ZNF564: variants seen among roughly 807,000 people sequenced by gnomAD.
ZNF564 encodes the protein zinc finger protein 564.
A neutral mutation model predicts 10.5 loss-of-function variants in ZNF564; 5 were observed. That is an observed-to-expected ratio of 0.48 (90% CI 0.25 to 1.00). The LOEUF (loss-of-function observed/expected upper bound fraction) is 1.00, where lower values mean the gene tolerates loss of function less well. Ranked by LOEUF, ZNF564 falls within the 50% of genes least tolerant of loss-of-function variation. The pLI is 0.16. For synonymous variants in ZNF564, 242 were observed against 218.1 expected (o/e 1.11, Z -0.97); for missense variants, 603 against 669.7 (o/e 0.90, Z 1.10).
At position 12,531,711 on chromosome 19, in the gene ZNF564, C is replaced by G. The variant is rs540300233; in HGVS notation, c.4-3015G>C. Among the ~76,000 whole-genome samples the G allele has an allele frequency of 2.6e-5, 4 of 152,048 alleles. No homozygotes were observed. The South Asian group carries it at 8.3e-4, about 32-fold the overall frequency. On this transcript the variant is annotated intron_variant, in intron 1 of 3. Transcript: ENST00000339282. ...CATATGATTACAAAATATGTCACAC[C>G]TCAGGTAAAATGCTCAATTAAAGCC...
At chr19:12,532,534 CAAAAAAAAAAAAAAAAAA>C (rs35579003) in intron 1 of ZNF564, among the ~76,000 whole-genome samples, 1 of 39,238 alleles carries the variant, frequency 2.5e-5, no homozygotes, top group Non-Finnish European at 4.4e-5. Flanking sequence ...GACTCCGTCT[CAAAAAAAAAAAAAAAAAA>C]AAAAAAAAAA....
intron 1 of ZNF564, among the ~76,000 whole-genome samples, chr19:12,551,094 G>A (rs1280850452): frequency 2.0e-5 from 3 of 152,242 alleles, no homozygotes; most frequent in Admixed American, 6.5e-5. Context: ...TGCCCAGACA[G>A]GGCTCCGAGG....
intron 1 of ZNF564, 77 bp downstream of exon 1, chr19:12,551,253 G>T: frequency 4.6e-6 from 7 of 1,511,818 alleles, no homozygotes; most frequent in Non-Finnish European, 6.3e-6. Flanking sequence ...GGAGGCCAGG[G>T]TGCTTCCACA....
chr19:12,551,090 G>C (rs1439553198), intron 1 of ZNF564, among the ~76,000 whole-genome samples: 2 of 152,372 alleles, frequency 1.3e-5, no homozygotes, highest in African/African-American at 4.8e-5. Flanking sequence ...GAGCTGCCCA[G>C]ACAGGGCTCC....
At chr19:12,542,648 G>GAA (rs2022078969) in intron 1 of ZNF564, among the ~76,000 whole-genome samples, 2 of 95,520 alleles carry the variant, frequency 2.1e-5, no homozygotes, top group African/African-American at 4.7e-5. Context: ...GAAAGGGAAA[G>GAA]GAAGAAAGAA....
rs767918558 is a variant in ZNF564 at position 12,527,595 on chromosome 19, A to AC, written c.512dup (p.Cys171TrpfsTer20). ...AAATGAAGGCTTTCCCACATTCCGGACATGCATAGGGTTTCTCACCAGTGT... is the reference window on the plus strand; with the variant it reads ...AAATGAAGGCTTTCCCACATTCCGGACCATGCATAGGGTTTCTCACCAGTGT... On this transcript the variant is annotated frameshift_variant, in exon 4 of 4. Transcript: ENST00000339282. LOFTEE classifies it low-confidence loss of function (END_TRUNC). 1.2e-6 allele frequency: 2 copies of AC among 1,614,200 alleles called. No homozygotes were observed. Among genetic ancestry groups the AC allele is most frequent in the African/African-American group, 2.7e-5 (2 of 75,046 alleles).
At chr19:12,530,137 G>A (rs1422329885) in intron 1 of ZNF564, 1 of 152,332 alleles carries the variant, frequency 6.6e-6, no homozygotes, top group African/African-American at 2.4e-5. Flanking sequence ...AAGGCCCGTA[G>A]AAATCCACGT....
intron 3 of ZNF564, 151 bp downstream of exon 3, chr19:12,528,153 C>G: frequency 1.2e-6 from 1 of 864,704 alleles, no homozygotes; most frequent in Non-Finnish European, 1.8e-6. Flanking sequence ...TTTTGCAACA[C>G]TGAACATCTA....
chr19:12,528,202 T>G, intron 3 of ZNF564, 102 bp downstream of exon 3: 1 of 1,186,456 alleles, frequency 8.4e-7, no homozygotes, highest in Non-Finnish European at 1.2e-6. Context: ...GTTGTAGGAA[T>G]AAATAAATCT....
chr19:12,531,467 C>T (rs1461340232), intron 1 of ZNF564, among the ~76,000 whole-genome samples: 3 of 151,618 alleles, frequency 2.0e-5, no homozygotes, highest in Admixed American at 6.6e-5. Flanking sequence ...CCTGGGAGGC[C>T]GAGGCAGGAG....
rs141168204 is a variant in ZNF564, at chr19:12,528,360, T to C, written c.135A>G (p.Lys45=). The change falls in exon 3 of 4, where the codon AAA becomes AAG. Residue 45 remains lysine (K), a synonymous_variant. Transcript: ENST00000339282. ...CTTCAATGCTCTGGTCTTCCCATTT[T>C]TTTCCTAAAATATAGTCAGAAAAAA... ...ETFRNLACVG[K]KWEDQSIEDW... 9.4e-5 allele frequency: 151 copies of C among 1,605,178 alleles called. No homozygotes were observed. The East Asian group carries it at 2.9e-3, about 30-fold the overall frequency.
intron 1 of ZNF564, among the ~76,000 whole-genome samples, chr19:12,540,076 T>C (rs1276953598): frequency 6.6e-6 from 1 of 152,116 alleles, no homozygotes; most frequent in African/African-American, 2.4e-5. Context: ...AATATGTAAC[T>C]GACTGGCTTA....
chr19:12,548,111 C>T, intron 1 of ZNF564: 2 of 970,006 alleles, frequency 2.1e-6, no homozygotes, highest in Non-Finnish European at 2.5e-6. Context: ...CCCAGTTTCA[C>T]TTATTTTTAA....
intron 1 of ZNF564, among the ~76,000 whole-genome samples, chr19:12,529,498 C>CG (rs933824053): frequency 1.3e-5 from 2 of 151,586 alleles, no homozygotes; most frequent in Non-Finnish European, 2.9e-5. Context: ...CCCAGCTACT[C>CG]GGGGGGCTGA....
chr19:12,528,278 T>C (rs759487606), intron 3 of ZNF564, 26 bp downstream of exon 3: 1 of 1,592,838 alleles, frequency 6.3e-7, no homozygotes, highest in Admixed American at 1.8e-5. Context: ...AAGGAGACAT[T>C]GCTTTATCTT....
At chr19:12,532,453 T>A (rs1327251025) in intron 1 of ZNF564, among the ~76,000 whole-genome samples, 1 of 132,916 alleles carries the variant, frequency 7.5e-6, no homozygotes, top group Admixed American at 9.3e-5. Flanking sequence ...GAGAATGGCG[T>A]GAACCCGGAA....
At position 12,540,011 on chromosome 19, in the gene ZNF564, C is replaced by T. The variant is rs1035812448; in HGVS notation, c.4-11315G>A. On this transcript the variant is annotated intron_variant, in intron 1 of 3. Transcript: ENST00000339282. ...AAAAAAAAAGAAAAAAGAAACCTGA[C>T]ATTCCATAGTACACACAGTATAATG... 9.2e-5 allele frequency among the ~76,000 whole-genome samples: 14 copies of T among 151,656 alleles called. No homozygotes were observed. The East Asian group carries it at 2.7e-3, about 29-fold the overall frequency.
intron 1 of ZNF564, chr19:12,550,488 T>TCTA: frequency 3.5e-6 from 1 of 282,208 alleles, no homozygotes; most frequent in South Asian, 2.5e-5. Flanking sequence ...AAACCCAGTT[T>TCTA]CTACCAAAAA....
intron 1 of ZNF564, among the ~76,000 whole-genome samples, chr19:12,538,121 A>G (rs1178099427): frequency 6.6e-6 from 1 of 152,114 alleles, no homozygotes; most frequent in African/African-American, 2.4e-5. Flanking sequence ...ATATAAAATG[A>G]TTGTATAACA....
Sources: allele counts gnomAD v4.1 joint callset (sites outside exome capture counted in the v4.1 genomes callset), GRCh38; gene constraint gnomAD v4.1.1; transcripts MANE v1.5; gene names NCBI Gene and HGNC (gene_info 2026-07-23, HGNC 2026-07-21).